MDH1: variants seen among roughly 807,000 people sequenced by gnomAD.
MDH1 encodes the protein malate dehydrogenase 1, also known as malate dehydrogenase, cytoplasmic.
In MDH1, 15 loss-of-function variants were observed where a neutral mutation model predicts 38.7. The ratio of observed to expected loss-of-function variants is 0.39; its 90% confidence interval spans 0.26 to 0.60. The LOEUF is 0.60. Among genes scored for constraint, MDH1 ranks in the 20% least tolerant of loss-of-function variants. MDH1 has a pLI of 0.56. For synonymous variants in MDH1, 144 were observed against 143.6 expected, an observed-to-expected ratio of 1.00 and a Z score of -0.02; for missense variants, 368 against 405.2, an observed-to-expected ratio of 0.91 and a Z score of 0.79.
At position 63,607,195 on chromosome 2, in the gene MDH1, A is replaced by C; in HGVS notation, c.*208A>C. The C allele has an allele frequency of 3.1e-6, 1 of 323,702 alleles. No homozygotes were observed. Among genetic ancestry groups the C allele is most frequent in the South Asian group, 4.6e-5 (1 of 21,552 alleles). The allele number at this position is 323,702 out of a possible 1,614,324, so 20.1% of individuals were successfully genotyped here. On this transcript the variant is annotated 3_prime_UTR_variant, in exon 9 of 9. Coordinates refer to ENST00000233114, the MANE Select transcript of MDH1 (RefSeq NM_005917.4). ...TTCTAAATAAATATATATTCAAATG[A>C]AAGTGACTCAGACTCTGTTTCTAGC...
intron 5 of MDH1, among the ~76,000 whole-genome samples, chr2:63,602,347 GTTTTTT>G (rs144884000): frequency 9.6e-6 from 1 of 104,000 alleles, no homozygotes; most frequent in Non-Finnish European, 1.8e-5. Context: ...GTTGGTTGGG[GTTTTTT>G]TTTTTTTTTT....
intron 5 of MDH1, 94 bp downstream of exon 5, chr2:63,599,386 TC>T (rs1177809497): frequency 1.9e-4 from 256 of 1,357,526 alleles, no homozygotes; most frequent in Non-Finnish European, 1.1e-4. Flanking sequence ...TGTGCTTTTT[TC>T]TTGTTTTTGT....
At position 63,605,292 on chromosome 2, in the gene MDH1, C is replaced by A; in HGVS notation, c.688C>A (p.Arg230Ser). ...GCCCCCTTCCCAGACTGTGCAGCAG[C>A]GTGGCGCTGCTGTCATCAAGGCTCG... ...KGEFVTTVQQ[R>S]GAAVIKARKL... Residue 230 changes from arginine (R) to serine (S), a missense_variant, in exon 7 of 9, where the codon CGT becomes AGT. Physicochemically the swap from Arg to Ser is moderately radical, Grantham distance 110. Coordinates refer to ENST00000233114, the MANE Select transcript of MDH1 (RefSeq NM_005917.4). 6.2e-7 allele frequency: 1 copy of A among 1,612,600 alleles called. No homozygotes were observed. Among genetic ancestry groups the A allele is most frequent in the Non-Finnish European group, 8.5e-7 (1 of 1,178,638 alleles).
chr2:63,594,520 A>G lies in MDH1; in HGVS notation c.36A>G (p.Ala12=). Residue 12 remains alanine, a synonymous_variant, in exon 2 of 9, where the codon GCA becomes GCG. Transcript: ENST00000233114. ...SEPIRVLVTG[A]AGQIAYSLLY... ...CAATCAGAGTCCTTGTGACTGGAGC[A>G]GCTGGTCAAATTGCATATTCACTGC... 1.2e-6 allele frequency: 2 copies of G among 1,613,986 alleles called. No individual in the cohort carries two copies. The highest frequency in any genetic ancestry group is 1.7e-6 in the Non-Finnish European group (2 of 1,179,864).
In MDH1 at chr2:63,589,222, T is replaced by A; in HGVS notation, c.3+176T>A. 3.2e-6 allele frequency: 5 copies of A among 1,568,774 alleles called. No individual in the cohort carries two copies. The South Asian group carries it at 5.8e-5, about 18-fold the overall frequency. On this transcript the variant is annotated intron_variant, in intron 1 of 8. Coordinates refer to ENST00000233114, the MANE Select transcript of MDH1 (RefSeq NM_005917.4). Reference sequence around the variant, plus strand: ...GCAGTGACCCAGTAATGGGAAGGGATTGATTTCCACCTTGCGGGGTATGGG... The same window carrying A: ...GCAGTGACCCAGTAATGGGAAGGGAATGATTTCCACCTTGCGGGGTATGGG...
intron 3 of MDH1, among the ~76,000 whole-genome samples, chr2:63,596,422 C>T (rs1035427417): frequency 2.6e-5 from 4 of 152,184 alleles, no homozygotes; most frequent in Admixed American, 2.6e-4. Context: ...TTTTCTCACC[C>T]ACAGCTCTTT....
At chr2:63,604,108 CAT>C (rs1479355748) in intron 5 of MDH1, among the ~76,000 whole-genome samples, 1 of 152,214 alleles carries the variant, frequency 6.6e-6, no homozygotes, top group Non-Finnish European at 1.5e-5. Context: ...CACACACACA[CAT>C]ACACATATAT....
chr2:63,589,471 C>A (rs1341569673), intron 1 of MDH1: 1 of 1,328,108 alleles, frequency 7.5e-7, no homozygotes, highest in Non-Finnish European at 1.1e-6. Flanking sequence ...GTCACAGGGA[C>A]CTTGAAAGCA....
chr2:63,603,054 G>A (rs1402611491), intron 5 of MDH1, among the ~76,000 whole-genome samples: 1 of 150,296 alleles, frequency 6.7e-6, no homozygotes, highest in Non-Finnish European at 1.5e-5. Flanking sequence ...CCGCCTCCCA[G>A]GTTCAAGAGA....
Position 63,605,929 on chromosome 2 carries a change from T to C in MDH1, c.790-10T>C, listed in dbSNP as rs199816144. On this transcript the variant is annotated splice_polypyrimidine_tract_variant and intron_variant, in intron 7 of 8. Transcript: ENST00000233114. ...ATCATCATGAGTATGTGAAACATTG[T>C]TATTTTCAGGGAGAGTTTGTGTCCA... is the stretch of plus-strand genomic sequence containing the variant. 6.1e-5 allele frequency: 98 copies of C among 1,610,172 alleles called. No individual in the cohort carries two copies. The highest frequency in any genetic ancestry group is 1.6e-4 in the Middle Eastern group (1 of 6,078).
rs180747666 is a variant in MDH1 at position 63,602,600 on chromosome 2, C to T, written c.499-2096C>T. Among the ~76,000 whole-genome samples the T allele has an allele frequency of 3.9e-5, 6 of 152,142 alleles. No individual in the cohort carries two copies. In the South Asian group the frequency reaches 8.3e-4, roughly 21 times the overall value. ...TGAATGATTCTATGACATTTAATTACAAGTGTAGATTCCTGTAACTGCCCC... is the reference window on the plus strand; with the variant it reads ...TGAATGATTCTATGACATTTAATTATAAGTGTAGATTCCTGTAACTGCCCC... On this transcript the variant is annotated intron_variant, in intron 5 of 8. Coordinates refer to ENST00000233114, the MANE Select transcript of MDH1 (RefSeq NM_005917.4).
chr2:63,594,462 A>T, intron 1 of MDH1, 26 bp from the exon 2 acceptor site: 1 of 1,502,384 alleles, frequency 6.7e-7, no homozygotes, highest in South Asian at 1.1e-5. Context: ...GTACTTAAAG[A>T]TGTTAATGGG....
chr2:63,604,780 GTCAACCATGC>G lies in MDH1; in HGVS notation c.584_593del (p.Val195AlafsTer3). 1 of 1,614,142 alleles carries G rather than the reference GTCAACCATGC, an allele frequency of 6.2e-7. No individual in the cohort carries two copies. Among genetic ancestry groups the G allele is most frequent in the South Asian group, 1.1e-5 (1 of 91,086 alleles). On this transcript the variant is annotated frameshift_variant, in exon 6 of 9. Coordinates refer to ENST00000233114, the MANE Select transcript of MDH1 (RefSeq NM_005917.4). LOFTEE classifies it high-confidence loss of function. ...CCATTCCTCGACTCAGTATCCAGAT[GTCAACCATGC>G]CAAGGTGAAATTGCAAGGAAAGGAA...
In MDH1 at chr2:63,605,349, G is replaced by A; in HGVS notation, c.745G>A (p.Ala249Thr). The change falls in exon 7 of 9, where the codon GCC (alanine) becomes ACC (threonine). Residue 249 changes from alanine (A) to threonine (T), a missense_variant. Transcript: ENST00000233114. Reference protein sequence around the residue: ...KLSSAMSAAKAICDHVRDIWF... With the variant: ...KLSSAMSAAKTICDHVRDIWF... ...ATCCAGTGCCATGTCTGCTGCAAAA[G>A]CCATCTGTGACCACGTCAGGGACAT... 6.2e-7 allele frequency: 1 copy of A among 1,614,222 alleles called. No homozygotes were observed. Among genetic ancestry groups the A allele is most frequent in the Non-Finnish European group, 8.5e-7 (1 of 1,180,030 alleles).
chr2:63,595,838 C>T (rs562714556), intron 3 of MDH1, among the ~76,000 whole-genome samples: 3 of 152,100 alleles, frequency 2.0e-5, no homozygotes, highest in African/African-American at 7.2e-5. Flanking sequence ...TTATAGACAA[C>T]GTAGGAATTG....
intron 5 of MDH1, among the ~76,000 whole-genome samples, chr2:63,603,050 C>T (rs1371340527): frequency 7.0e-6 from 1 of 142,236 alleles, no homozygotes; most frequent in Non-Finnish European, 1.5e-5. Flanking sequence ...ACCTCCGCCT[C>T]CCAGGTTCAA....
At chr2:63,592,015 C>G (rs1029405632) in intron 1 of MDH1, among the ~76,000 whole-genome samples, 16 of 152,202 alleles carry the variant, frequency 1.1e-4, no homozygotes, top group African/African-American at 3.9e-4. Flanking sequence ...CACAGAAAGT[C>G]TGGCTCCAGA....
chr2:63,602,934 C>CTTTTGTTTTTTTTTTTTTTT (rs1709452776), intron 5 of MDH1, among the ~76,000 whole-genome samples: 2 of 131,538 alleles, frequency 1.5e-5, no homozygotes, highest in Non-Finnish European at 3.4e-5. Flanking sequence ...TTTAACCGTT[C>CTTTTGTTTTTTTTTTTTTTT]TTTTTTTTTT....
At chr2:63,594,449 G>C (rs201353649) in intron 1 of MDH1, 39 bp from the exon 2 acceptor site, 7 of 1,315,264 alleles carry the variant, frequency 5.3e-6, no homozygotes, top group Middle Eastern at 3.6e-4. Context: ...TTAAGGTACA[G>C]TAGTACTTAA....
Sources: gnomAD v4.1 joint callset for allele counts (sites outside exome capture counted in the v4.1 genomes callset) on GRCh38, gnomAD v4.1.1 for gene constraint, MANE v1.5 for transcripts, NCBI Gene and HGNC (gene_info 2026-07-23, HGNC 2026-07-21) for gene names.